Variants in VPS41 observed in about 807,000 individuals in gnomAD.
VPS41 encodes VPS41 subunit of HOPS complex.
VPS41 carries 85 observed loss-of-function variants against 130.9 expected under a neutral mutation model. That is an observed-to-expected ratio of 0.65 (90% CI 0.55 to 0.78). The LOEUF is 0.78. Ranked by LOEUF, VPS41 falls within the 30% of genes least tolerant of loss-of-function variation. The pLI is 0.00. For synonymous variants in VPS41, 335 were observed against 332.9 expected (o/e 1.01, Z -0.07); for missense variants, 874 against 1,018.7 (o/e 0.86, Z 1.93).
intron 2 of VPS41, among the ~76,000 whole-genome samples, chr7:38,883,764 T>C (rs971466729): frequency 2.0e-5 from 3 of 152,228 alleles, no homozygotes; most frequent in Non-Finnish European, 4.4e-5. Flanking sequence ...GTTGTTTTCA[T>C]CTCTTCAATC....
chr7:38,773,585 T>G (rs1784196331), intron 12 of VPS41, among the ~76,000 whole-genome samples: 1 of 152,170 alleles, frequency 6.6e-6, no homozygotes, highest in Non-Finnish European at 1.5e-5. Flanking sequence ...ATGTCTCTGG[T>G]ATGACTAAAT....
rs573642127 is a variant in VPS41 at position 38,845,299 on chromosome 7, A to C, written c.247-14971T>G. Among the ~76,000 whole-genome samples, 10 of 152,360 alleles carry C rather than the reference A, an allele frequency of 6.6e-5. No homozygotes were observed. In the South Asian group the frequency reaches 1.4e-3, roughly 22 times the overall value. Reference sequence around the variant, plus strand: ...GCTTTTGGTACAAATCATCTCTTTTATTCTCATGCCAGAGACCGTGCTGGA... The same window carrying C: ...GCTTTTGGTACAAATCATCTCTTTTCTTCTCATGCCAGAGACCGTGCTGGA... On this transcript the variant is annotated intron_variant, in intron 4 of 28. Transcript: ENST00000310301.
intron 22 of VPS41, chr7:38,745,943 A>C: frequency 4.2e-6 from 1 of 236,266 alleles, no homozygotes; most frequent in South Asian, 7.4e-5. Flanking sequence ...TCCTTACAGC[A>C]CTGCTTCCTT....
intron 25 of VPS41, among the ~76,000 whole-genome samples, chr7:38,732,778 A>G (rs1265360237): frequency 6.6e-6 from 1 of 152,232 alleles, no homozygotes; most frequent in African/African-American, 2.4e-5. Flanking sequence ...CCATTCAATT[A>G]TCTGGAAAAG....
chr7:38,733,693 T>C (rs373455994), intron 25 of VPS41, among the ~76,000 whole-genome samples: 10 of 152,028 alleles, frequency 6.6e-5, no homozygotes, highest in Admixed American at 2.6e-4. Flanking sequence ...TTAAAACTAG[T>C]TTGAAACATC....
chr7:38,888,179 A>G (rs1786777007), intron 2 of VPS41, among the ~76,000 whole-genome samples: 1 of 152,214 alleles, frequency 6.6e-6, no homozygotes, highest in Admixed American at 6.5e-5. Context: ...ACACATAACA[A>G]TATTAACCTT....
chr7:38,858,198 G>A (rs1294963647), intron 4 of VPS41, among the ~76,000 whole-genome samples: 1 of 152,210 alleles, frequency 6.6e-6, no homozygotes, highest in Non-Finnish European at 1.5e-5. Flanking sequence ...TTCCCCAAAA[G>A]AGACAGCTTT....
intron 2 of VPS41, among the ~76,000 whole-genome samples, chr7:38,871,650 C>A (rs532056103): frequency 6.6e-6 from 1 of 152,114 alleles, no homozygotes. Flanking sequence ...ATAACACACT[C>A]CAAAATCTCC....
At chr7:38,750,262 G>A (rs2286090) in intron 22 of VPS41, among the ~76,000 whole-genome samples, 2 of 151,984 alleles carry the variant, frequency 1.3e-5, no homozygotes, top group Admixed American at 6.5e-5. Flanking sequence ...TGATAGGGTA[G>A]AGTGCTATGT....
chr7:38,905,369 A>G (rs1562631631), intron 1 of VPS41, among the ~76,000 whole-genome samples: 1 of 152,246 alleles, frequency 6.6e-6, no homozygotes, highest in Non-Finnish European at 1.5e-5. Flanking sequence ...ACTGCTGGTT[A>G]GAAGATTTCC....
In VPS41 at chr7:38,796,434, G is replaced by A. The variant is rs1255274072; in HGVS notation, c.570+311C>T. On this transcript the variant is annotated intron_variant, in intron 8 of 28. Transcript: ENST00000310301. ...ACTTGCCTTTGGCCAACAGGCAAAT[G>A]ATATTTTCAAGACCCATTCCCAATG... 6 of 490,856 alleles carry A rather than the reference G, an allele frequency of 1.2e-5. No homozygotes were observed. In the Admixed American group the frequency reaches 1.4e-4, roughly 11 times the overall value. The allele number at this position is 490,856 out of a possible 1,614,324, so 30.4% of individuals were successfully genotyped here.
chr7:38,855,392 C>A (rs1425818294), intron 4 of VPS41, among the ~76,000 whole-genome samples: 3 of 151,858 alleles, frequency 2.0e-5, no homozygotes, highest in Non-Finnish European at 1.5e-5. Context: ...TACATCAATC[C>A]AAAGCAAAGA....
At chr7:38,727,054 C>T in intron 27 of VPS41, 66 bp from the exon 28 acceptor site, 1 of 1,384,402 alleles carries the variant, frequency 7.2e-7, no homozygotes, top group Non-Finnish European at 9.5e-7. Flanking sequence ...TAAACCAATC[C>T]CGACTGAAAG....
intron 2 of VPS41, among the ~76,000 whole-genome samples, chr7:38,872,806 T>C (rs1786399044): frequency 1.3e-5 from 2 of 152,200 alleles, no homozygotes; most frequent in South Asian, 2.1e-4. Context: ...CTTCTACTTA[T>C]GTAAATACAA....
intron 4 of VPS41, 125 bp downstream of exon 4, chr7:38,862,420 G>T: frequency 1.8e-6 from 1 of 566,978 alleles, no homozygotes; most frequent in Non-Finnish European, 3.0e-6. Flanking sequence ...TATACTCTTA[G>T]CACTCTGATT....
intron 21 of VPS41, 60 bp from the exon 22 acceptor site, chr7:38,752,373 A>G (rs1783694810): frequency 2.5e-6 from 4 of 1,601,956 alleles, no homozygotes; most frequent in Middle Eastern, 3.4e-4. Context: ...TACCTGGCTA[A>G]CATTGCTATT....
rs192106285 is a variant in VPS41 at position 38,887,585 on chromosome 7, A to T, written c.60+10506T>A. ...ACCTGAAAGTGGCGGGGATAATGGA[A>T]CCAAGTTGGAAAACACTCTTCAGGG... is the stretch of plus-strand genomic sequence containing the variant. On this transcript the variant is annotated intron_variant, in intron 2 of 28. Transcript: ENST00000310301. 6.1e-3 allele frequency among the ~76,000 whole-genome samples: 935 copies of T among 152,306 alleles called. 8 individuals carry two copies. The highest frequency in any genetic ancestry group is 0.027 in the Middle Eastern group (8 of 294).
At chr7:38,759,166 G>T (rs1473691817) in intron 17 of VPS41, among the ~76,000 whole-genome samples, 3 of 152,232 alleles carry the variant, frequency 2.0e-5, no homozygotes, top group African/African-American at 7.2e-5. Context: ...ACTTGTGATT[G>T]GTATGTCTGA....
At chr7:38,888,624 GAAA>G (rs1192041503) in intron 2 of VPS41, among the ~76,000 whole-genome samples, 1 of 152,124 alleles carries the variant, frequency 6.6e-6, no homozygotes, top group Non-Finnish European at 1.5e-5. Flanking sequence ...CAACGAGACA[GAAA>G]ATTAACAAGG....
Sources: allele counts gnomAD v4.1 joint callset (sites outside exome capture counted in the v4.1 genomes callset), GRCh38; gene constraint gnomAD v4.1.1; transcripts MANE v1.5; gene names NCBI Gene and HGNC (gene_info 2026-07-23, HGNC 2026-07-21).